EFR3A: variants seen among roughly 807,000 people sequenced by gnomAD.
The protein encoded by EFR3A is protein EFR3 homolog A.
A neutral mutation model predicts 104.4 loss-of-function variants in EFR3A; 76 were observed. The observed-to-expected ratio is 0.73, with a 90% CI of 0.60 to 0.88. The LOEUF (loss-of-function observed/expected upper bound fraction) is 0.88, where lower values mean the gene tolerates loss of function less well. Ranked by LOEUF, EFR3A falls within the 40% of genes least tolerant of loss-of-function variation. The pLI is 0.00. For synonymous variants in EFR3A, 330 were observed against 330.0 expected (o/e 1.00, Z 0.00); for missense variants, 985 against 1,012.5 (o/e 0.97, Z 0.37).
At chr8:131,940,611 C>T in intron 2 of EFR3A, 36 bp downstream of exon 2, 1 of 1,577,210 alleles carries the variant, frequency 6.3e-7, no homozygotes. Context: ...CTTCTCTTTG[C>T]TGACCCATTC....
At chr8:131,941,899 G>C (rs575338626) in intron 2 of EFR3A, among the ~76,000 whole-genome samples, 2 of 152,082 alleles carry the variant, frequency 1.3e-5, no homozygotes, top group Admixed American at 1.3e-4. Context: ...GACTTCAAGC[G>C]AAGGTTTATA....
chr8:131,919,163 T>C (rs1816879753), intron 1 of EFR3A, among the ~76,000 whole-genome samples: 1 of 152,152 alleles, frequency 6.6e-6, no homozygotes, highest in African/African-American at 2.4e-5. Context: ...ATTCAGCTTT[T>C]CATTTTGGAC....
chr8:131,952,343 G>T (rs915271168), intron 5 of EFR3A, among the ~76,000 whole-genome samples: 7 of 152,102 alleles, frequency 4.6e-5, no homozygotes, highest in Non-Finnish European at 1.0e-4. Flanking sequence ...AATTCGTTTT[G>T]GGGGGTCATG....
intron 22 of EFR3A, among the ~76,000 whole-genome samples, chr8:132,008,282 ATAAGCATGTGTAAAAGTGTT>A (rs773150624): frequency 2.6e-5 from 4 of 152,118 alleles, no homozygotes; most frequent in Non-Finnish European, 4.4e-5. Flanking sequence ...TGAATCGCCA[ATAAGCATGTGTAAAAGTGTT>A]TAAAATCATT....
At chr8:131,958,882 T>G (rs1427344638) in intron 7 of EFR3A, among the ~76,000 whole-genome samples, 1 of 152,186 alleles carries the variant, frequency 6.6e-6, no homozygotes, top group Non-Finnish European at 1.5e-5. Context: ...CTTATATACT[T>G]TATCTTACTT....
intron 16 of EFR3A, 29 bp from the exon 17 acceptor site, chr8:131,986,165 T>C: frequency 7.2e-7 from 1 of 1,392,418 alleles, no homozygotes; most frequent in Non-Finnish European, 1.0e-6. Context: ...GGGTTTTTGA[T>C]TTTTGTTCTG....
chr8:131,908,694 G>A (rs929517543), intron 1 of EFR3A, among the ~76,000 whole-genome samples: 2 of 152,142 alleles, frequency 1.3e-5, no homozygotes, highest in Non-Finnish European at 2.9e-5. Context: ...TTAAGTCCCA[G>A]CTCTTTTTTC....
At chr8:131,921,885 G>C (rs1009499086) in intron 1 of EFR3A, among the ~76,000 whole-genome samples, 1 of 152,126 alleles carries the variant, frequency 6.6e-6, no homozygotes, top group East Asian at 1.9e-4. Flanking sequence ...AGAATTTACT[G>C]GTGTACATGT....
intron 8 of EFR3A, among the ~76,000 whole-genome samples, chr8:131,961,619 C>T (rs1289254708): frequency 1.3e-5 from 2 of 152,166 alleles, no homozygotes; most frequent in Non-Finnish European, 2.9e-5. Context: ...AGAATGGAAC[C>T]AAGTTGGAAA....
chr8:131,990,445 G>A (rs990053771), intron 18 of EFR3A, among the ~76,000 whole-genome samples: 2 of 152,128 alleles, frequency 1.3e-5, no homozygotes, highest in Non-Finnish European at 2.9e-5. Flanking sequence ...GCTTCATATG[G>A]TAGTAACACA....
At chr8:131,965,442 C>G (rs553098044) in intron 8 of EFR3A, among the ~76,000 whole-genome samples, 1 of 152,278 alleles carries the variant, frequency 6.6e-6, no homozygotes, top group Non-Finnish European at 1.5e-5. Context: ...TTTATGCAGC[C>G]AAAAGACACA....
intron 6 of EFR3A, among the ~76,000 whole-genome samples, chr8:131,954,462 G>T (rs1818873763): frequency 6.6e-6 from 1 of 151,674 alleles, no homozygotes; most frequent in Non-Finnish European, 1.5e-5. Context: ...AGATGTTTTG[G>T]AACTGAATAT....
chr8:132,007,482 AG>A (rs1323335587), intron 22 of EFR3A, among the ~76,000 whole-genome samples: 2 of 151,958 alleles, frequency 1.3e-5, no homozygotes, highest in Non-Finnish European at 2.9e-5. Context: ...ACCTAAACAA[AG>A]GAGAGATATA....
intron 9 of EFR3A, among the ~76,000 whole-genome samples, chr8:131,969,590 T>A (rs1819938249): frequency 6.6e-6 from 1 of 151,834 alleles, no homozygotes; most frequent in Non-Finnish European, 1.5e-5. Flanking sequence ...TGGTTGAATC[T>A]GTGAATCCAG....
At chr8:131,962,686 C>G (rs897078017) in intron 8 of EFR3A, among the ~76,000 whole-genome samples, 2 of 152,088 alleles carry the variant, frequency 1.3e-5, no homozygotes, top group African/African-American at 4.8e-5. Flanking sequence ...CAAGGATATC[C>G]AGGAATTGAA....
intron 5 of EFR3A, among the ~76,000 whole-genome samples, chr8:131,952,150 C>CCACCACCAT (rs1405278711): frequency 2.6e-5 from 4 of 152,110 alleles, no homozygotes; most frequent in African/African-American, 9.7e-5. Flanking sequence ...ACCACCACCA[C>CCACCACCAT]CACCACCATC....
chr8:131,923,146 T>C (rs1817131335), intron 1 of EFR3A, among the ~76,000 whole-genome samples: 2 of 152,214 alleles, frequency 1.3e-5, no homozygotes, highest in African/African-American at 4.8e-5. Context: ...AGATTATGCA[T>C]AGGTTCACCT....
At chr8:131,921,398 G>C (rs1817018000) in intron 1 of EFR3A, among the ~76,000 whole-genome samples, 2 of 152,070 alleles carry the variant, frequency 1.3e-5, no homozygotes, top group Admixed American at 1.3e-4. Flanking sequence ...ATCCTAACTT[G>C]ATTACTACTG....
chr8:131,920,522 T>C (rs181143603), intron 1 of EFR3A, among the ~76,000 whole-genome samples: 112 of 152,270 alleles, frequency 7.4e-4, no homozygotes, highest in African/African-American at 2.6e-3. Flanking sequence ...GTGGTAAGTT[T>C]TGTAATATGA....
Sources: gnomAD v4.1 joint callset for allele counts (sites outside exome capture counted in the v4.1 genomes callset) on GRCh38, gnomAD v4.1.1 for gene constraint, MANE v1.5 for transcripts, NCBI Gene and HGNC (gene_info 2026-07-23, HGNC 2026-07-21) for gene names.